Variants in ZP3 observed in about 807,000 individuals in gnomAD.
The protein encoded by ZP3 is zona pellucida glycoprotein 3, also known as zona pellucida sperm-binding protein 3.
Under a neutral mutation model 35.6 loss-of-function variants are expected in ZP3, and 21 were observed. The ratio of observed to expected loss-of-function variants is 0.59; its 90% CI spans 0.42 to 0.85. The LOEUF (loss-of-function observed/expected upper bound fraction) is 0.85. Ranked by LOEUF, ZP3 falls within the 40% of genes least tolerant of loss-of-function variation. ZP3 has a pLI of 0.00. For missense variants in ZP3, 437 were observed against 536.5 expected (o/e 0.81, Z 1.83); for synonymous variants, 207 against 214.5 (o/e 0.96, Z 0.31).
At chr7:76,408,798 G>A (rs1424136927) in intron 1 of ZP3, among the ~76,000 whole-genome samples, 5 of 152,074 alleles carry the variant, frequency 3.3e-5, no homozygotes, top group African/African-American at 1.2e-4. Flanking sequence ...TGGTGATTAG[G>A]GCTCTTGAAA....
intron 1 of ZP3, among the ~76,000 whole-genome samples, chr7:76,406,532 G>A (rs570930159): frequency 7.9e-5 from 12 of 151,616 alleles, no homozygotes; most frequent in Non-Finnish European, 1.2e-4. Context: ...CACCCAGGCG[G>A]CAGTGCAGTG....
intron 1 of ZP3, among the ~76,000 whole-genome samples, chr7:76,419,687 TTCTC>T (rs1805459739): frequency 9.5e-6 from 1 of 104,986 alleles, no homozygotes; most frequent in Non-Finnish European, 1.9e-5. Context: ...TTCGTTCTCT[TTCTC>T]TCTCTCTCCC....
At chr7:76,401,118 A>G in intron 1 of ZP3, 1 of 1,469,752 alleles carries the variant, frequency 6.8e-7, no homozygotes, top group South Asian at 1.4e-5. Context: ...CACACCCCCC[A>G]ACTCCCACAG....
intron 1 of ZP3, among the ~76,000 whole-genome samples, chr7:76,415,741 C>T (rs1032627897): frequency 4.6e-5 from 7 of 151,268 alleles, no homozygotes; most frequent in Non-Finnish European, 8.9e-5. Flanking sequence ...GTGATCCACC[C>T]GCCTCGGCCT....
chr7:76,400,606 G>T, intron 1 of ZP3: 1 of 1,441,602 alleles, frequency 6.9e-7, no homozygotes, highest in Non-Finnish European at 9.1e-7. Context: ...GAAGAGGGTG[G>T]AGCTGGCACC....
chr7:76,433,162 T>C, intron 3 of ZP3, 132 bp downstream of exon 3: 1 of 792,544 alleles, frequency 1.3e-6, no homozygotes, highest in Non-Finnish European at 2.0e-6. Context: ...TGGTTGGTTT[T>C]GGTTGGTTTT....
At chr7:76,402,746 C>T (rs993601242) in intron 1 of ZP3, among the ~76,000 whole-genome samples, 23 of 151,906 alleles carry the variant, frequency 1.5e-4, no homozygotes, top group Admixed American at 1.0e-3. Flanking sequence ...CTTTGCTCAC[C>T]GCAACCTCCC....
intron 1 of ZP3, chr7:76,400,742 A>C: frequency 9.5e-7 from 1 of 1,053,582 alleles, no homozygotes; most frequent in Non-Finnish European, 1.3e-6. Context: ...TCCTGGGCTC[A>C]AGTGATCCTC....
At chr7:76,430,805 G>A (rs1805804598) in intron 2 of ZP3, among the ~76,000 whole-genome samples, 1 of 152,218 alleles carries the variant, frequency 6.6e-6, no homozygotes. Flanking sequence ...GATGAGCCAT[G>A]CCCCTGGGAG....
In ZP3 at chr7:76,425,004, T is replaced by TG; in HGVS notation, c.44dup (p.Ser16Ter). 6.4e-7 allele frequency: 1 copy of TG among 1,566,430 alleles called. No individual in the cohort carries two copies. Among genetic ancestry groups the TG allele is most frequent in the Non-Finnish European group, 8.6e-7 (1 of 1,156,688 alleles). ...TAGGCTCTTCATCTGCCTCCTGCTC[T>TG]GGGGTAGTACTGAGCTGTGCTACCC... On this transcript the variant is annotated frameshift_variant, in exon 1 of 8. Transcript: ENST00000394857. LOFTEE classifies it high-confidence loss of function.
At chr7:76,398,866 G>C in intron 1 of ZP3, 2 of 1,546,538 alleles carry the variant, frequency 1.3e-6, no homozygotes, top group African/African-American at 1.4e-5. Flanking sequence ...GGTGTTTAAG[G>C]GGCAGGAGGA....
intron 1 of ZP3, among the ~76,000 whole-genome samples, chr7:76,403,365 T>G (rs1414031821): frequency 6.6e-6 from 1 of 151,944 alleles, no homozygotes; most frequent in Non-Finnish European, 1.5e-5. Flanking sequence ...TGAGACAGAG[T>G]CTCGCCCTGT....
In ZP3 at chr7:76,440,459, TTC is replaced by T. The variant is rs769617563; in HGVS notation, c.924-12_924-11del. 9 of 1,611,374 alleles carry T rather than the reference TTC, an allele frequency of 5.6e-6. No homozygotes were observed. Among genetic ancestry groups the T allele is most frequent in the African/African-American group, 2.7e-5 (2 of 74,868 alleles). Reference sequence around the variant, plus strand: ...TGCAGGCAACAAAAATCTAAGCTGCTTCTCTTTCATCTCAGCTGGTTCCCAGT... The same window carrying T: ...TGCAGGCAACAAAAATCTAAGCTGCTTCTTTCATCTCAGCTGGTTCCCAGT... On this transcript the variant is annotated splice_polypyrimidine_tract_variant and intron_variant, in intron 6 of 7. Coordinates refer to ENST00000394857, the MANE Select transcript of ZP3 (RefSeq NM_001110354.2).
chr7:76,437,678 T>TTTTA (rs1554626380), intron 5 of ZP3, among the ~76,000 whole-genome samples: 1 of 145,520 alleles, frequency 6.9e-6, no homozygotes, highest in African/African-American at 2.6e-5. Context: ...TTTTTTTTTT[T>TTTTA]AGTAGAGATG....
intron 7 of ZP3, among the ~76,000 whole-genome samples, chr7:76,441,031 C>T (rs62475571): frequency 0.015 from 1,811 of 118,098 alleles, 3 homozygotes; most frequent in South Asian, 0.038. Flanking sequence ...ATTAGCTGGG[C>T]GTGGTGGTAC....
At chr7:76,402,180 C>CTTT (rs1250500290) in intron 1 of ZP3, among the ~76,000 whole-genome samples, 1 of 121,162 alleles carries the variant, frequency 8.3e-6, no homozygotes, top group Non-Finnish European at 1.9e-5. Flanking sequence ...CCCTGCCCAG[C>CTTT]TATTTTTTTT....
At chr7:76,402,327 A>G (rs1804859507) in intron 1 of ZP3, among the ~76,000 whole-genome samples, 2 of 151,488 alleles carry the variant, frequency 1.3e-5, no homozygotes, top group South Asian at 4.2e-4. Flanking sequence ...CTGCAGGCGC[A>G]CACCGCCACA....
intron 5 of ZP3, among the ~76,000 whole-genome samples, chr7:76,436,056 T>C (rs1563703177): frequency 1.7e-4 from 13 of 77,438 alleles, no homozygotes; most frequent in Admixed American, 2.7e-4. Context: ...TTTTTTTTTT[T>C]TTTTTTTTTT....
intron 1 of ZP3, among the ~76,000 whole-genome samples, chr7:76,405,319 AT>A (rs1563687040): frequency 3.8e-4 from 7 of 18,310 alleles, no homozygotes; most frequent in African/African-American, 1.9e-3. Flanking sequence ...ATATATATGT[AT>A]TTTTTTCTTT....
Sources: gnomAD v4.1 joint callset for allele counts (sites outside exome capture counted in the v4.1 genomes callset) on GRCh38, gnomAD v4.1.1 for gene constraint, MANE v1.5 for transcripts, NCBI Gene and HGNC (gene_info 2026-07-23, HGNC 2026-07-21) for gene names.